Variants in LPA observed in about 807,000 individuals in gnomAD.
LPA encodes lipoprotein(a).
In LPA, 199 loss-of-function variants were observed where a neutral mutation model predicts 197.9. The observed-to-expected ratio is 1.01, with a 90% CI of 0.90 to 1.13. The LOEUF (loss-of-function observed/expected upper bound fraction) is 1.13, where lower values mean the gene tolerates loss of function less well. Ranked by LOEUF, LPA falls within the 50% of genes most tolerant of loss-of-function variation. The pLI is 0.00. For synonymous variants in LPA, 715 were observed against 639.5 expected (o/e 1.12, Z -1.78); for missense variants, 1,853 against 1,785.8 (o/e 1.04, Z -0.68).
chr6:160,586,627 G>T lies in LPA; in HGVS notation c.3951C>A (p.Gly1317=), dbSNP rs1486068065. The T allele has an allele frequency of 1.2e-6, 2 of 1,613,490 alleles. No homozygotes were observed. Among genetic ancestry groups the T allele is most frequent in the Admixed American group, 3.3e-5 (2 of 59,960 alleles). Residue 1317 remains glycine (G), a synonymous_variant, in exon 25 of 39, where the codon GGC becomes GGA. Transcript: ENST00000316300. ...QRTTEYYPNG[G]LTRNYCRNPD... ...GATTCCTGCAGTAGTTCCTGGTCAG[G>T]CCACTGCAAATTCCAAAACAATACA... is the stretch of plus-strand genomic sequence containing the variant.
At chr6:160,662,572 G>A (rs1003895027) in intron 1 of LPA, among the ~76,000 whole-genome samples, 2 of 152,110 alleles carry the variant, frequency 1.3e-5, no homozygotes, top group African/African-American at 4.8e-5. Flanking sequence ...TAGCCTTTGG[G>A]TGTAGCCTGC....
chr6:160,587,801 T>TGTGTTTCTG (rs1562333102), intron 24 of LPA, among the ~76,000 whole-genome samples: 2,611 of 79,322 alleles, frequency 0.033, 29 homozygotes, highest in African/African-American at 0.061. Flanking sequence ...GTGTGTGTGT[T>TGTGTTTCTG]TCTGTCTGTT....
At chr6:160,593,114 C>T (rs373200417) in intron 22 of LPA, among the ~76,000 whole-genome samples, 4 of 152,146 alleles carry the variant, frequency 2.6e-5, no homozygotes, top group Non-Finnish European at 4.4e-5. Context: ...GCCTAGAATA[C>T]GTCAGATGCC....
chr6:160,595,551 C>T lies in LPA; in HGVS notation c.3288-16G>A, dbSNP rs1313243116. 6.2e-7 allele frequency: 1 copy of T among 1,613,896 alleles called. No homozygotes were observed. The highest frequency in any genetic ancestry group is 1.1e-5 in the South Asian group (1 of 91,076). On this transcript the variant is annotated splice_polypyrimidine_tract_variant and intron_variant, in intron 20 of 38. Coordinates refer to ENST00000316300, the MANE Select transcript of LPA (RefSeq NM_005577.4). ...GGTCAGGCCACTGCAAATTTCAAAA[C>T]AACACAGGTCACCAGAGATGGGAGA...
chr6:160,553,966 CGT>C (rs1231552269), intron 30 of LPA, among the ~76,000 whole-genome samples: 3 of 45,752 alleles, frequency 6.6e-5, no homozygotes, highest in Non-Finnish European at 1.7e-4. Context: ...CGCGCGCGCG[CGT>C]GTGCGTGTGT....
Position 160,545,454 on chromosome 6 carries a change from T to C in LPA, c.5384A>G (p.Asp1795Gly), listed in dbSNP as rs776342497. Residue 1795 changes from aspartate (D) to glycine (G), a missense_variant, in exon 33 of 39, where the codon GAT (aspartate) becomes GGT (glycine). By Grantham distance (94) the Asp-to-Gly change is moderately conservative. Transcript: ENST00000316300. Reference sequence around the variant, plus strand: ...AGGCAACTTACCACAGAGAGGGATATCACAGTAGTCAAAAAGTTTTCTTGG... The same window carrying C: ...AGGCAACTTACCACAGAGAGGGATACCACAGTAGTCAAAAAGTTTTCTTGG... ...MNPRKLFDYC[D>G]IPLCASSSFD... 3 of 1,605,826 alleles carry C rather than the reference T, an allele frequency of 1.9e-6. No homozygotes were observed. The highest frequency in any genetic ancestry group is 1.7e-5 in the Admixed American group (1 of 59,950).
At chr6:160,650,674 CTTTAT>C (rs1263757780) in intron 1 of LPA, among the ~76,000 whole-genome samples, 177 bp from the exon 2 acceptor site, 1 of 152,166 alleles carries the variant, frequency 6.6e-6, no homozygotes, top group Non-Finnish European at 1.5e-5. Context: ...CATTCTAGAA[CTTTAT>C]TTAATTCTTA....
chr6:160,546,977 A>G (rs1186146625), intron 32 of LPA, among the ~76,000 whole-genome samples: 1 of 152,134 alleles, frequency 6.6e-6, no homozygotes, highest in Non-Finnish European at 1.5e-5. Flanking sequence ...GGCATCTCTG[A>G]CTACTAGAAC....
chr6:160,596,632 T>G (rs764876447), intron 20 of LPA, among the ~76,000 whole-genome samples: 21 of 152,174 alleles, frequency 1.4e-4, no homozygotes, highest in Non-Finnish European at 2.9e-4. Flanking sequence ...AAAACTCCCC[T>G]CTTCTCTTGT....
At chr6:160,558,470 G>C (rs574562279) in intron 28 of LPA, among the ~76,000 whole-genome samples, 1 of 152,160 alleles carries the variant, frequency 6.6e-6, no homozygotes, top group African/African-American at 2.4e-5. Flanking sequence ...GGTAGATCAA[G>C]TGTGTCTGGC....
chr6:160,606,665 A>T lies in LPA; in HGVS notation c.2604-7T>A, dbSNP rs1350122934. 1 of 1,613,848 alleles carries T rather than the reference A, an allele frequency of 6.2e-7. No homozygotes were observed. Among genetic ancestry groups the T allele is most frequent in the Non-Finnish European group, 8.5e-7 (1 of 1,179,918 alleles). On this transcript the variant is annotated splice_polypyrimidine_tract_variant and splice_region_variant and intron_variant, in intron 16 of 38. Transcript: ENST00000316300. ...GTAGTTCATGATCAAGCCACTGGAA[A>T]TTCCAAAACGATACACGTCACAAGA... is the stretch of plus-strand genomic sequence containing the variant.
At chr6:160,609,243 G>A (rs1011365371) in intron 16 of LPA, among the ~76,000 whole-genome samples, 2 of 152,054 alleles carry the variant, frequency 1.3e-5, no homozygotes, top group African/African-American at 4.8e-5. Context: ...GTTTTGGGCA[G>A]TGCACAATAT....
At chr6:160,590,303 A>T (rs1779001196) in intron 23 of LPA, among the ~76,000 whole-genome samples, 1 of 152,166 alleles carries the variant, frequency 6.6e-6, no homozygotes, top group South Asian at 2.1e-4. Flanking sequence ...CAAAGTAGAC[A>T]TCCACTACTC....
intron 17 of LPA, among the ~76,000 whole-genome samples, chr6:160,605,858 C>T (rs1779338297): frequency 6.6e-6 from 1 of 152,172 alleles, no homozygotes; most frequent in South Asian, 2.1e-4. Context: ...GTCTCCGACT[C>T]TTTCTATCCA....
chr6:160,573,803 C>A (rs1384975738), intron 28 of LPA, among the ~76,000 whole-genome samples: 1 of 152,134 alleles, frequency 6.6e-6, no homozygotes, highest in African/African-American at 2.4e-5. Flanking sequence ...GCTGTGGATA[C>A]CAGTGCCTGT....
At chr6:160,652,033 A>C (rs1460571020) in intron 1 of LPA, among the ~76,000 whole-genome samples, 2 of 150,978 alleles carry the variant, frequency 1.3e-5, no homozygotes, top group African/African-American at 4.9e-5. Flanking sequence ...AAAAAAGCAG[A>C]AGAAGCATAT....
chr6:160,593,836 A>G (rs1779077772), intron 22 of LPA, 122 bp downstream of exon 22: 1 of 1,261,230 alleles, frequency 7.9e-7, no homozygotes, highest in Non-Finnish European at 1.2e-6. Context: ...AGCCTGAGAC[A>G]TTCTACCCAA....
chr6:160,573,668 C>T (rs1345314703), intron 28 of LPA, among the ~76,000 whole-genome samples: 1 of 152,154 alleles, frequency 6.6e-6, no homozygotes, highest in African/African-American at 2.4e-5. Flanking sequence ...TTCCTGTGAG[C>T]TGAACTGCAG....
intron 2 of LPA, among the ~76,000 whole-genome samples, chr6:160,648,872 C>A (rs2115096911): frequency 6.6e-6 from 1 of 152,218 alleles, no homozygotes; most frequent in South Asian, 2.1e-4. Context: ...TTATGCCATT[C>A]TAATCATTTC....
Sources: gnomAD v4.1 joint callset for allele counts (sites outside exome capture counted in the v4.1 genomes callset) on GRCh38, gnomAD v4.1.1 for gene constraint, MANE v1.5 for transcripts, NCBI Gene and HGNC (gene_info 2026-07-23, HGNC 2026-07-21) for gene names.